Variants in SOCS7 observed in about 807,000 individuals in gnomAD.
SOCS7 encodes NAP-4.
SOCS7 carries 18 observed loss-of-function variants against 58.9 expected under a neutral mutation model. The ratio of observed to expected loss-of-function variants is 0.31; its 90% CI spans 0.21 to 0.45. SOCS7 has a LOEUF of 0.45. Ranked by LOEUF, SOCS7 falls within the 20% of genes least tolerant of loss-of-function variation. The pLI, the probability that SOCS7 is intolerant of heterozygous loss-of-function variation, is 1.00. For missense variants in SOCS7, 667 were observed against 837.3 expected (o/e 0.80, Z 2.51); for synonymous variants, 388 against 364.3 (o/e 1.06, Z -0.74).
intron 7 of SOCS7, among the ~76,000 whole-genome samples, chr17:38,379,257 T>C (rs1305467286): frequency 6.7e-6 from 1 of 149,656 alleles, no homozygotes; most frequent in Non-Finnish European, 1.5e-5. Context: ...GGCGGGCAGA[T>C]CACCTGAGGT....
intron 2 of SOCS7, among the ~76,000 whole-genome samples, chr17:38,362,867 T>G (rs1218999784): frequency 2.0e-5 from 3 of 152,128 alleles, no homozygotes; most frequent in African/African-American, 7.2e-5. Flanking sequence ...TCCCAGCACT[T>G]TGGGAGGTTG....
intron 6 of SOCS7, among the ~76,000 whole-genome samples, chr17:38,376,213 G>C (rs926033339): frequency 7.2e-5 from 11 of 152,164 alleles, no homozygotes; most frequent in African/African-American, 2.7e-4. Context: ...TATCCTGGCA[G>C]TTCAGGATGC....
In SOCS7 at chr17:38,379,180, CA is replaced by C. The variant is rs71138613; in HGVS notation, c.1681+1351del. On this transcript the variant is annotated intron_variant, in intron 7 of 9. Coordinates refer to ENST00000612932, the MANE Select transcript of SOCS7 (RefSeq NM_014598.4). ...CTCAAAAAAAAAAAACAAAAAAAAA[CA>C]AAAAAAAAAAAACAAGGCAGGGGTT... Among the ~76,000 whole-genome samples the C allele has an allele frequency of 1.5e-3, 176 of 121,366 alleles. 1 individual carries two copies. Among genetic ancestry groups the C allele is most frequent in the Admixed American group, 2.1e-3 (25 of 11,896 alleles). The allele number at this position is 121,366 out of a possible 152,430, so 79.6% of individuals were successfully genotyped here. A position where few individuals can be genotyped will look rare whatever the true frequency, so the allele number is the denominator to read the frequency against.
At chr17:38,376,414 G>A (rs2037931399) in intron 6 of SOCS7, among the ~76,000 whole-genome samples, 1 of 152,086 alleles carries the variant, frequency 6.6e-6, no homozygotes, top group African/African-American at 2.4e-5. Context: ...GGTCCTGGCC[G>A]GAAATCAATT....
intron 3 of SOCS7, 96 bp downstream of exon 3, chr17:38,364,952 C>CGAT: frequency 1.2e-6 from 1 of 857,824 alleles, no homozygotes. Flanking sequence ...TCTGGGTTTC[C>CGAT]GATGATGACT....
rs1183512741 is a variant in SOCS7 at position 38,400,253 on chromosome 17, C to T, written c.*771C>T. The T allele has an allele frequency of 6.6e-6, 1 of 152,182 alleles. No homozygotes were observed. The highest frequency in any genetic ancestry group is 2.4e-5 in the African/African-American group (1 of 41,448). The allele number at this position is 152,182 out of a possible 1,614,324, so 9.4% of individuals were successfully genotyped here. Reference sequence around the variant, plus strand: ...ATGACCTGAAGTTAACCCCGTTCTTCCTCTGCTCTCAACCCATTGCCCCTT... The same window carrying T: ...ATGACCTGAAGTTAACCCCGTTCTTTCTCTGCTCTCAACCCATTGCCCCTT... On this transcript the variant is annotated 3_prime_UTR_variant, in exon 10 of 10. Coordinates refer to ENST00000612932, the MANE Select transcript of SOCS7 (RefSeq NM_014598.4).
intron 7 of SOCS7, among the ~76,000 whole-genome samples, chr17:38,387,119 A>ATGTATGTATGTATGTATG (rs2038082241): frequency 2.8e-5 from 3 of 106,692 alleles, no homozygotes; most frequent in African/African-American, 1.4e-4. Context: ...ATATATATAT[A>ATGTATGTATGTATGTATG]TATATATATG....
intron 7 of SOCS7, among the ~76,000 whole-genome samples, chr17:38,384,089 G>A (rs9909687): frequency 0.025 from 3,824 of 152,118 alleles, 154 homozygotes; most frequent in African/African-American, 0.086. Context: ...TAGCAACACC[G>A]TAAGACTCCC....
intron 3 of SOCS7, 72 bp downstream of exon 3, chr17:38,364,928 G>C (rs2037769159): frequency 1.7e-6 from 2 of 1,180,712 alleles, no homozygotes; most frequent in African/African-American, 3.1e-5. Context: ...TCTTTGCTGG[G>C]GGCCGACCAC....
At chr17:38,393,086 T>G (rs749628225) in intron 7 of SOCS7, among the ~76,000 whole-genome samples, 20 of 152,210 alleles carry the variant, frequency 1.3e-4, no homozygotes, top group Non-Finnish European at 2.6e-4. Context: ...CTTGGCTCAC[T>G]GTAGCCTCGA....
At chr17:38,379,654 T>C (rs2037977051) in intron 7 of SOCS7, among the ~76,000 whole-genome samples, 1 of 152,112 alleles carries the variant, frequency 6.6e-6, no homozygotes, top group Admixed American at 6.5e-5. Flanking sequence ...GAATGTTTCT[T>C]GTAATCTTGG....
At chr17:38,398,388 G>A (rs2038272105) in intron 9 of SOCS7, among the ~76,000 whole-genome samples, 1 of 151,816 alleles carries the variant, frequency 6.6e-6, no homozygotes, top group Non-Finnish European at 1.5e-5. Context: ...TGGGATTACA[G>A]GTGTGCACCA....
chr17:38,397,342 C>T (rs2038258052), intron 9 of SOCS7, among the ~76,000 whole-genome samples: 1 of 152,152 alleles, frequency 6.6e-6, no homozygotes, highest in South Asian at 2.1e-4. Context: ...AAAAGAGATC[C>T]TGAGAGTTCA....
At position 38,379,190 on chromosome 17, in the gene SOCS7, AAAAC is replaced by A. The variant is rs1381792840; in HGVS notation, c.1681+1351_1681+1354del. On this transcript the variant is annotated intron_variant, in intron 7 of 9. Coordinates refer to ENST00000612932, the MANE Select transcript of SOCS7 (RefSeq NM_014598.4). ...AAAAACAAAAAAAAACAAAAAAAAAAAAACAAGGCAGGGGTTGGTGGCTCACACC... is the reference window on the plus strand; with the variant it reads ...AAAAACAAAAAAAAACAAAAAAAAAAAAGGCAGGGGTTGGTGGCTCACACC... Among the ~76,000 whole-genome samples the A allele has an allele frequency of 7.3e-4, 111 of 151,776 alleles. 2 individuals carry two copies. Among genetic ancestry groups the A allele is most frequent in the African/African-American group, 2.5e-3 (104 of 41,392 alleles).
intron 6 of SOCS7, among the ~76,000 whole-genome samples, chr17:38,372,299 G>A (rs1420232819): frequency 6.6e-6 from 1 of 152,154 alleles, no homozygotes. Flanking sequence ...GTTATAAAAA[G>A]TTAAAACTTT....
At position 38,377,814 on chromosome 17, in the gene SOCS7, T is replaced by C; in HGVS notation, c.1653T>C (p.Phe551=). ...TTATGCACTCCAAGAATGGAAAGTTTCTCTATTTCTTAAGATCCAGGGTTC... is the reference window on the plus strand; with the variant it reads ...TTATGCACTCCAAGAATGGAAAGTTCCTCTATTTCTTAAGATCCAGGGTTC... ...RAIMHSKNGK[F]LYFLRSRVPG... is the part of the protein sequence containing the mutation. The change falls in exon 7 of 10, where the codon TTT becomes TTC. Residue 551 remains phenylalanine, a synonymous_variant. Coordinates refer to ENST00000612932, the MANE Select transcript of SOCS7 (RefSeq NM_014598.4). 6.2e-7 allele frequency: 1 copy of C among 1,613,644 alleles called. No individual in the cohort carries two copies. The highest frequency in any genetic ancestry group is 8.5e-7 in the Non-Finnish European group (1 of 1,179,812).
Position 38,386,067 on chromosome 17 carries a change from G to A in SOCS7, c.1681+8225G>A, listed in dbSNP as rs567949353. ...AGGCCAGGCGCGGTGGCTCAGGCCTGTAATCCCAGCACTTTGGGAGGCCGA... is the reference window on the plus strand; with the variant it reads ...AGGCCAGGCGCGGTGGCTCAGGCCTATAATCCCAGCACTTTGGGAGGCCGA... On this transcript the variant is annotated intron_variant, in intron 7 of 9. Coordinates refer to ENST00000612932, the MANE Select transcript of SOCS7 (RefSeq NM_014598.4). 1.4e-4 allele frequency among the ~76,000 whole-genome samples: 21 copies of A among 152,096 alleles called. No homozygotes were observed. The South Asian group carries it at 2.1e-3, about 15-fold the overall frequency.
In SOCS7 at chr17:38,404,931, T is replaced by G. The variant is rs531211766; in HGVS notation, c.*5449T>G. The G allele has an allele frequency of 6.6e-6, 1 of 152,268 alleles. No homozygotes were observed. The highest frequency in any genetic ancestry group is 2.4e-5 in the African/African-American group (1 of 41,562). The allele number at this position is 152,268 out of a possible 1,614,324, so 9.4% of individuals were successfully genotyped here. A position where few individuals can be genotyped will look rare whatever the true frequency, so the allele number is the denominator to read the frequency against. ...CCACTGCTGTACGTTTTTGGTTGTT[T>G]TTAAGAAACTCGATGAAGAGGGGTG... On this transcript the variant is annotated 3_prime_UTR_variant, in exon 10 of 10. Transcript: ENST00000612932.
chr17:38,388,075 G>A (rs1337961781), intron 7 of SOCS7, among the ~76,000 whole-genome samples: 1 of 151,088 alleles, frequency 6.6e-6, no homozygotes, highest in East Asian at 1.9e-4. Context: ...ACCGTGCCTG[G>A]CCCACTTAAT....
Sources: gnomAD v4.1 joint callset for allele counts (sites outside exome capture counted in the v4.1 genomes callset) on GRCh38, gnomAD v4.1.1 for gene constraint, MANE v1.5 for transcripts, NCBI Gene and HGNC (gene_info 2026-07-23, HGNC 2026-07-21) for gene names.